The following VPS8 variants were observed in gnomAD, a reference collection of about 807,000 sequenced individuals.
The protein encoded by VPS8 is vacuolar protein sorting-associated protein 8 homolog.
A neutral mutation model predicts 216.4 loss-of-function variants in VPS8; 129 were observed. The observed-to-expected ratio is 0.60, with a 90% CI of 0.52 to 0.69. The LOEUF (loss-of-function observed/expected upper bound fraction) is 0.69, where lower values mean the gene tolerates loss of function less well. Among genes scored for constraint, VPS8 ranks in the 30% least tolerant of loss-of-function variants. The pLI is 0.00. For synonymous variants in VPS8, 571 were observed against 565.4 expected, an observed-to-expected ratio of 1.01 and a Z score of -0.14; for missense variants, 1,531 against 1,683.5, an observed-to-expected ratio of 0.91 and a Z score of 1.59.
chr3:184,934,453 G>A (rs1187214012), intron 34 of VPS8, among the ~76,000 whole-genome samples: 1 of 152,052 alleles, frequency 6.6e-6, no homozygotes. Context: ...TTACAAGCAT[G>A]AGCCACCACG....
In VPS8 at chr3:184,996,069, A is replaced by G. The variant is rs535756279; in HGVS notation, c.3667-263A>G. 1.4e-4 allele frequency among the ~76,000 whole-genome samples: 21 copies of G among 152,384 alleles called. No homozygotes were observed. In the South Asian group the frequency reaches 1.4e-3, roughly 11 times the overall value. On this transcript the variant is annotated intron_variant, in intron 43 of 47. Coordinates refer to ENST00000625842, the MANE Select transcript of VPS8 (RefSeq NM_001009921.3). ...ATGAAGCTGCAGAATGGCAGAGCTC[A>G]CATTTCTCAATAGAAACTAATGACA... is the stretch of plus-strand genomic sequence containing the variant.
intron 42 of VPS8, among the ~76,000 whole-genome samples, chr3:184,985,561 T>C (rs1193865404): frequency 6.6e-6 from 1 of 152,206 alleles, no homozygotes; most frequent in Non-Finnish European, 1.5e-5. Context: ...TATAGGATAA[T>C]TGCCATGCCT....
chr3:184,869,763 A>C (rs1424677770), intron 20 of VPS8, among the ~76,000 whole-genome samples: 1 of 152,084 alleles, frequency 6.6e-6, no homozygotes, highest in South Asian at 2.1e-4. Context: ...GGTGGTGTGC[A>C]CCTGTAGTCC....
chr3:184,895,550 G>C (rs1733223540), intron 23 of VPS8, among the ~76,000 whole-genome samples: 1 of 134,202 alleles, frequency 7.5e-6, no homozygotes, highest in African/African-American at 2.8e-5. Flanking sequence ...TATTTATTCT[G>C]GCCTAAGACA....
intron 7 of VPS8, among the ~76,000 whole-genome samples, chr3:184,841,544 A>G (rs1360366976): frequency 6.6e-6 from 1 of 152,142 alleles, no homozygotes; most frequent in African/African-American, 2.4e-5. Context: ...TTCTGTGTCC[A>G]TGATTACTTT....
intron 36 of VPS8, among the ~76,000 whole-genome samples, chr3:184,943,068 A>G (rs1743034066): frequency 6.6e-6 from 1 of 152,128 alleles, no homozygotes; most frequent in African/African-American, 2.4e-5. Context: ...CTTTCCAGGG[A>G]TGCAGGGTAC....
chr3:184,843,366 T>C (rs1341500944), intron 8 of VPS8, 121 bp downstream of exon 8: 2 of 646,430 alleles, frequency 3.1e-6, no homozygotes, highest in Non-Finnish European at 4.5e-6. Flanking sequence ...AAAACCCAGC[T>C]AATTGAAAAA....
At chr3:185,014,852 A>G (rs1226778274) in intron 45 of VPS8, among the ~76,000 whole-genome samples, 2 of 152,204 alleles carry the variant, frequency 1.3e-5, no homozygotes, top group Non-Finnish European at 2.9e-5. Context: ...CTGGGGCATT[A>G]TCTGTTTTAA....
At chr3:185,028,762 G>C (rs910698647) in intron 46 of VPS8, among the ~76,000 whole-genome samples, 3 of 152,204 alleles carry the variant, frequency 2.0e-5, no homozygotes, top group Admixed American at 6.5e-5. Flanking sequence ...TGGGTGGGTT[G>C]AGATTGCCTC....
intron 23 of VPS8, among the ~76,000 whole-genome samples, chr3:184,895,613 TC>T (rs1266877331): frequency 0.018 from 17 of 970 alleles, no homozygotes; most frequent in East Asian, 0.026. Context: ...CCCCTCCTCC[TC>T]CCCCCCTCCT....
At chr3:184,877,317 T>C (rs1360463689) in intron 21 of VPS8, among the ~76,000 whole-genome samples, 1 of 152,202 alleles carries the variant, frequency 6.6e-6, no homozygotes, top group African/African-American at 2.4e-5. Context: ...TTTAGGAACA[T>C]GTCTGTTTTT....
At chr3:184,936,152 G>A (rs923222148) in intron 34 of VPS8, 94 bp from the exon 35 acceptor site, 16 of 1,017,470 alleles carry the variant, frequency 1.6e-5, no homozygotes, top group East Asian at 5.3e-5. Flanking sequence ...GGAAGCTTGC[G>A]ACTGTATTGA....
intron 36 of VPS8, among the ~76,000 whole-genome samples, chr3:184,956,411 C>G (rs7623170): frequency 0.76 from 115,869 of 151,700 alleles, 45,061 homozygotes; most frequent in African/African-American, 0.85. Context: ...TATGAGAAAA[C>G]CTGGAAACTA....
chr3:184,960,952 A>T (rs1226260121), intron 37 of VPS8, among the ~76,000 whole-genome samples: 1 of 152,208 alleles, frequency 6.6e-6, no homozygotes, highest in African/African-American at 2.4e-5. Context: ...TGCTGGGATA[A>T]ACTGCCTTTC....
chr3:184,924,894 A>G lies in VPS8; in HGVS notation c.2487A>G (p.Ser829=). ...VMVENSDFTP[S]QVGCLFTFLA... ...TGGAGAATTCAGACTTTACCCCCTCACAAGTAGGATGTCTCTTTACCTTCC... is the reference window on the plus strand; with the variant it reads ...TGGAGAATTCAGACTTTACCCCCTCGCAAGTAGGATGTCTCTTTACCTTCC... The change falls in exon 30 of 48, where the codon TCA becomes TCG. Residue 829 remains serine, a synonymous_variant. Coordinates refer to ENST00000625842, the MANE Select transcript of VPS8 (RefSeq NM_001009921.3). 6.2e-7 allele frequency: 1 copy of G among 1,613,114 alleles called. No individual in the cohort carries two copies. The highest frequency in any genetic ancestry group is 8.5e-7 in the Non-Finnish European group (1 of 1,179,700).
At chr3:184,819,590 G>T (rs189405999) in intron 1 of VPS8, among the ~76,000 whole-genome samples, 23 of 152,220 alleles carry the variant, frequency 1.5e-4, no homozygotes, top group African/African-American at 5.5e-4. Context: ...TGGAATGAAG[G>T]GCCTGCTTAA....
intron 39 of VPS8, 149 bp downstream of exon 39, chr3:184,966,862 G>A: frequency 2.0e-6 from 1 of 505,612 alleles, no homozygotes. Flanking sequence ...CCAAATTTTA[G>A]CTAATTTTCA....
At chr3:184,985,730 C>A (rs1486902031) in intron 42 of VPS8, among the ~76,000 whole-genome samples, 2 of 152,194 alleles carry the variant, frequency 1.3e-5, no homozygotes, top group East Asian at 3.8e-4. Context: ...TGGAAAAGAT[C>A]TATAAGTCTC....
rs75134516 is a variant in VPS8, at chr3:184,938,793, C to T, written c.2989-1404C>T. Among the ~76,000 whole-genome samples the T allele has an allele frequency of 9.2e-3, 1,391 of 151,592 alleles. 19 individuals carry two copies. Among genetic ancestry groups the T allele is most frequent in the African/African-American group, 0.033 (1,350 of 41,400 alleles). ...CTATAATCCTAGCATTTTGCAAGGC[C>T]CAGGCGGGCAGATCGCTTGAGCTCA... On this transcript the variant is annotated intron_variant, in intron 35 of 47. Transcript: ENST00000625842.
Sources: allele counts gnomAD v4.1 joint callset (sites outside exome capture counted in the v4.1 genomes callset), GRCh38; gene constraint gnomAD v4.1.1; transcripts MANE v1.5; gene names NCBI Gene and HGNC (gene_info 2026-07-23, HGNC 2026-07-21).